Variants in HEATR5B observed in about 807,000 individuals in gnomAD.
HEATR5B encodes the protein HEAT repeat-containing protein 5B.
Under a neutral mutation model 224.1 loss-of-function variants are expected in HEATR5B, and 156 were observed. That is an observed-to-expected ratio of 0.70 (90% CI 0.61 to 0.80). The LOEUF (loss-of-function observed/expected upper bound fraction) is 0.80. HEATR5B is among the 30% of genes least tolerant of loss of function. HEATR5B has a pLI of 0.00. For synonymous variants in HEATR5B, 1,027 were observed against 893.0 expected, an observed-to-expected ratio of 1.15 and a Z score of -2.68; for missense variants, 2,323 against 2,535.5, an observed-to-expected ratio of 0.92 and a Z score of 1.80.
chr2:37,050,799 G>A (rs910930792), intron 17 of HEATR5B, among the ~76,000 whole-genome samples: 8 of 152,144 alleles, frequency 5.3e-5, no homozygotes, highest in African/African-American at 1.9e-4. Flanking sequence ...CCCGACTTTG[G>A]GAGGCCAAGG....
intron 14 of HEATR5B, among the ~76,000 whole-genome samples, chr2:37,058,017 G>A (rs79757803): frequency 1.3e-5 from 2 of 152,038 alleles, no homozygotes; most frequent in African/African-American, 4.8e-5. Flanking sequence ...CATAATATTT[G>A]ATTTCTCCCT....
At position 37,003,693 on chromosome 2, in the gene HEATR5B, C is replaced by G; in HGVS notation, c.4906-7G>C. The G allele has an allele frequency of 1.3e-6, 2 of 1,567,026 alleles. No individual in the cohort carries two copies. The highest frequency in any genetic ancestry group is 3.7e-5 in the Admixed American group (2 of 53,816). On this transcript the variant is annotated splice_polypyrimidine_tract_variant and splice_region_variant and intron_variant, in intron 30 of 35. Transcript: ENST00000233099. Reference sequence around the variant, plus strand: ...GCAACTCAACACCTATCAGCTAATACAAATAAATACAAATACAGTTAAGTA... The same window carrying G: ...GCAACTCAACACCTATCAGCTAATAGAAATAAATACAAATACAGTTAAGTA...
chr2:37,061,462 A>G (rs901694066), intron 11 of HEATR5B, among the ~76,000 whole-genome samples: 2 of 152,206 alleles, frequency 1.3e-5, no homozygotes, highest in Admixed American at 1.3e-4. Flanking sequence ...AACATACCCC[A>G]TCACAATAAT....
chr2:36,982,234 T>C (rs930154317), intron 35 of HEATR5B, among the ~76,000 whole-genome samples: 1 of 152,154 alleles, frequency 6.6e-6, no homozygotes, highest in African/African-American at 2.4e-5. Flanking sequence ...AGAAATACAA[T>C]ACAACTTTTT....
Position 37,037,855 on chromosome 2 carries a change from A to G in HEATR5B, c.3216T>C (p.Cys1072=), listed in dbSNP as rs148649473. 13 of 1,521,556 alleles carry G rather than the reference A, an allele frequency of 8.5e-6. No individual in the cohort carries two copies. The highest frequency in any genetic ancestry group is 1.8e-4 in the Middle Eastern group (1 of 5,692). 94.3% of individuals were successfully genotyped at this position (1,521,556 alleles called of 1,614,324 possible). The change falls in exon 21 of 36, where the codon TGT becomes TGC. Residue 1072 remains cysteine, a splice_region_variant and synonymous_variant. Coordinates refer to ENST00000233099, the MANE Select transcript of HEATR5B (RefSeq NM_019024.3). ...VNLSSLVPSL[C]VHLCSSHLLL... ...ATGAATGAAATAGCTCTATACTTAC[A>G]CAAAGGCTAGGAACAAGGCTAGATA...
At chr2:36,998,496 G>C (rs979471110) in intron 33 of HEATR5B, among the ~76,000 whole-genome samples, 6 of 152,184 alleles carry the variant, frequency 3.9e-5, no homozygotes, top group Admixed American at 6.6e-5. Flanking sequence ...GGCAATGTCT[G>C]ATGACATTGA....
rs1031698402 is a variant in HEATR5B at position 37,032,507 on chromosome 2, T to C, written c.3361+122A>G. ...GGAATTTTAAAAGTGGTAATGGTTT[T>C]ATTTCAAAGAATAAGACATCTGGCC... On this transcript the variant is annotated intron_variant, in intron 22 of 35. Transcript: ENST00000233099. 1.5e-5 allele frequency: 13 copies of C among 868,744 alleles called. 1 individual carries two copies. In the Admixed American group the frequency reaches 3.4e-4, roughly 23 times the overall value. 53.8% of individuals were successfully genotyped at this position (868,744 alleles called of 1,614,324 possible).
chr2:37,007,701 A>G (rs1667522150), intron 28 of HEATR5B, among the ~76,000 whole-genome samples: 1 of 152,176 alleles, frequency 6.6e-6, no homozygotes, highest in Admixed American at 6.5e-5. Context: ...TTACATACAA[A>G]AGAGAAATCT....
intron 8 of HEATR5B, among the ~76,000 whole-genome samples, chr2:37,066,859 T>C (rs1410981414): frequency 6.6e-6 from 1 of 152,114 alleles, no homozygotes; most frequent in Non-Finnish European, 1.5e-5. Flanking sequence ...GATTAATAAA[T>C]TGAAGACTAT....
intron 27 of HEATR5B, among the ~76,000 whole-genome samples, chr2:37,009,064 C>T (rs942400198): frequency 6.6e-6 from 1 of 151,786 alleles, no homozygotes; most frequent in Non-Finnish European, 1.5e-5. Flanking sequence ...TTGAGACCAT[C>T]CTGGCCAACA....
intron 17 of HEATR5B, 44 bp from the exon 18 acceptor site, chr2:37,049,887 T>C: frequency 7.0e-7 from 1 of 1,437,800 alleles, no homozygotes. Context: ...AATTCATAAT[T>C]CATTATTATT....
chr2:37,072,243 C>T lies in HEATR5B; in HGVS notation c.636G>A (p.Trp212Ter), dbSNP rs1671949967. ...LELQNEAVFMWTAELENIATL... is the reference protein window; with the variant it reads ...LELQNEAVFM ...TGGCTATATTTTCTAGTTCAGCAGTCCACATAAATACAGCTTCATTCTGTA... is the reference window on the plus strand; with the variant it reads ...TGGCTATATTTTCTAGTTCAGCAGTTCACATAAATACAGCTTCATTCTGTA... Residue 212 changes from tryptophan (W) to a stop codon, truncating the protein, a stop_gained, in exon 6 of 36, where the codon TGG becomes TGA. Transcript: ENST00000233099. LOFTEE classifies it high-confidence loss of function. 1 of 1,613,316 alleles carries T rather than the reference C, an allele frequency of 6.2e-7. No homozygotes were observed. The highest frequency in any genetic ancestry group is 1.7e-5 in the Admixed American group (1 of 59,954).
chr2:37,063,810 T>G (rs541297665), intron 10 of HEATR5B, among the ~76,000 whole-genome samples: 1 of 152,238 alleles, frequency 6.6e-6, no homozygotes, highest in Admixed American at 6.5e-5. Context: ...ACTCATATTT[T>G]TTATTTTATT....
intron 21 of HEATR5B, among the ~76,000 whole-genome samples, chr2:37,034,589 G>C (rs1483984564): frequency 6.0e-5 from 8 of 134,306 alleles, no homozygotes; most frequent in Non-Finnish European, 1.1e-4. Context: ...CTCCAGCCTG[G>C]GCGACACAGC....
At chr2:37,077,166 T>C in intron 3 of HEATR5B, 147 bp from the exon 4 acceptor site, 1 of 640,432 alleles carries the variant, frequency 1.6e-6, no homozygotes, top group Non-Finnish European at 2.8e-6. Context: ...TTATGCTTCA[T>C]AACTGCAACA....
intron 26 of HEATR5B, among the ~76,000 whole-genome samples, chr2:37,015,972 G>A (rs1190934205): frequency 1.3e-5 from 2 of 151,996 alleles, no homozygotes; most frequent in African/African-American, 2.4e-5. Context: ...AATAAAGAAA[G>A]AAATTGAAAA....
intron 17 of HEATR5B, among the ~76,000 whole-genome samples, chr2:37,052,059 A>T (rs1430254891): frequency 6.6e-6 from 1 of 152,124 alleles, no homozygotes. Flanking sequence ...TATTTCTATA[A>T]TCAATGCCTA....
intron 14 of HEATR5B, among the ~76,000 whole-genome samples, chr2:37,057,788 T>G (rs1671005566): frequency 6.6e-6 from 1 of 152,150 alleles, no homozygotes; most frequent in African/African-American, 2.4e-5. Flanking sequence ...GCAGGAGGAT[T>G]GCTTGAGCCC....
In HEATR5B at chr2:37,060,587, G is replaced by A. The variant is rs143124996; in HGVS notation, c.1843C>T (p.Leu615=). The change falls in exon 12 of 36, where the codon CTA becomes TTA. Residue 615 remains leucine (L), a synonymous_variant. Coordinates refer to ENST00000233099, the MANE Select transcript of HEATR5B (RefSeq NM_019024.3). ...QVTLEGRAGA[L]CAMRSFVAHC... ...CAATCCTTTCAGTTCTTACCACATA[G>A]AGCTCCAGCACGACCTTCCAAAGTT... The A allele has an allele frequency of 1.4e-5, 23 of 1,612,318 alleles. No homozygotes were observed. In the African/African-American group the frequency reaches 2.7e-4, roughly 19 times the overall value.
Sources: allele counts gnomAD v4.1 joint callset (sites outside exome capture counted in the v4.1 genomes callset), GRCh38; gene constraint gnomAD v4.1.1; transcripts MANE v1.5; gene names NCBI Gene and HGNC (gene_info 2026-07-23, HGNC 2026-07-21).